BCAS3: variants seen among roughly 807,000 people sequenced by gnomAD.
BCAS3 encodes BCAS4/BCAS3 fusion.
In BCAS3, 53 loss-of-function variants were observed where a neutral mutation model predicts 116.1. The observed-to-expected ratio is 0.46, with a 90% CI of 0.37 to 0.57. BCAS3 has a LOEUF of 0.57. Ranked by LOEUF, BCAS3 falls within the 20% of genes least tolerant of loss-of-function variation. The probability of loss-of-function intolerance (pLI) is 0.00; values close to 1 mark genes in which losing one functional copy is unlikely to be tolerated. For synonymous variants in BCAS3, 391 were observed against 408.2 expected (o/e 0.96, Z 0.51); for missense variants, 917 against 1,165.4 (o/e 0.79, Z 3.10).
chr17:60,911,119 C>A (rs200299246), intron 12 of BCAS3, among the ~76,000 whole-genome samples: 1 of 35,312 alleles, frequency 2.8e-5, no homozygotes, highest in Non-Finnish European at 6.0e-5. Flanking sequence ...TTCTTTTTTT[C>A]TTTCTTTTTT....
intron 5 of BCAS3, among the ~76,000 whole-genome samples, chr17:60,718,986 C>T (rs1408526511): frequency 6.6e-6 from 1 of 152,100 alleles, no homozygotes; most frequent in Non-Finnish European, 1.5e-5. Context: ...GGCGTGATCC[C>T]AGGAAGCGGA....
chr17:60,938,053 A>G (rs892764966), intron 13 of BCAS3, among the ~76,000 whole-genome samples: 3 of 152,034 alleles, frequency 2.0e-5, no homozygotes, highest in Non-Finnish European at 4.4e-5. Flanking sequence ...TGCAGTGGCA[A>G]GATCTCGGCT....
rs557961065 is a variant in BCAS3, at chr17:61,168,344, T to C, written c.2425+83780T>C. ...CCTTGAGCCTTTTCTATTTCTCCCT[T>C]CTCCTATATTTTGTATTTGGCATTG... On this transcript the variant is annotated intron_variant, in intron 22 of 23. Coordinates refer to ENST00000407086, the MANE Select transcript of BCAS3 (RefSeq NM_017679.5). Among the ~76,000 whole-genome samples the C allele has an allele frequency of 7.9e-5, 12 of 152,248 alleles. No individual in the cohort carries two copies. In the East Asian group the frequency reaches 1.9e-3, roughly 24 times the overall value.
intron 14 of BCAS3, among the ~76,000 whole-genome samples, chr17:60,951,378 T>C (rs556900607): frequency 6.6e-6 from 1 of 152,348 alleles, no homozygotes; most frequent in East Asian, 1.9e-4. Flanking sequence ...TTTCATGATA[T>C]AAGTAATACA....
chr17:60,738,186 G>T (rs977783701), intron 5 of BCAS3, among the ~76,000 whole-genome samples: 1 of 152,224 alleles, frequency 6.6e-6, no homozygotes, highest in African/African-American at 2.4e-5. Flanking sequence ...TGCTACTGTT[G>T]TAAGAAGTAG....
At chr17:60,977,899 CATT>C (rs2062523783) in intron 14 of BCAS3, among the ~76,000 whole-genome samples, 4 of 144,114 alleles carry the variant, frequency 2.8e-5, no homozygotes. Context: ...TCCAGTCTAT[CATT>C]GTTGGACATT....
chr17:61,168,157 C>A (rs1270301977), intron 22 of BCAS3, among the ~76,000 whole-genome samples: 1 of 152,090 alleles, frequency 6.6e-6, no homozygotes, highest in Non-Finnish European at 1.5e-5. Flanking sequence ...TTTCTTTTTT[C>A]CCATCTGTCT....
At chr17:61,263,532 G>A (rs1047539732) in intron 22 of BCAS3, among the ~76,000 whole-genome samples, 4 of 152,244 alleles carry the variant, frequency 2.6e-5, no homozygotes, top group African/African-American at 7.2e-5. Context: ...ACAGAACAAG[G>A]TGAAGAGTGG....
intron 22 of BCAS3, among the ~76,000 whole-genome samples, chr17:61,109,184 CAA>C (rs4011679): frequency 0.01 from 575 of 57,422 alleles, 4 homozygotes; most frequent in African/African-American, 0.025. Context: ...GACTTTGTCT[CAA>C]AAAAAAAAAA....
At chr17:61,274,999 C>T (rs888346789) in intron 22 of BCAS3, among the ~76,000 whole-genome samples, 1 of 152,074 alleles carries the variant, frequency 6.6e-6, no homozygotes, top group Non-Finnish European at 1.5e-5. Context: ...CACAGATGAA[C>T]GCCACCATAC....
At chr17:60,710,751 A>C (rs2037809814) in intron 5 of BCAS3, among the ~76,000 whole-genome samples, 1 of 150,798 alleles carries the variant, frequency 6.6e-6, no homozygotes, top group South Asian at 2.1e-4. Context: ...AAGTTAAAAA[A>C]ATGTTTATTT....
rs1430568665 is a variant in BCAS3 at position 61,276,106 on chromosome 17, T to C, written c.2426-92221T>C. On this transcript the variant is annotated intron_variant, in intron 22 of 23. Coordinates refer to ENST00000407086, the MANE Select transcript of BCAS3 (RefSeq NM_017679.5). The surrounding 1 kb of genome is among the most constrained non-coding windows in gnomAD (Gnocchi z 4.2). Reference sequence around the variant, plus strand: ...TGGCTCACGCGTGTAATCTCAGCACTTTGGGAGGCTGAGGTGGGCGGATCA... The same window carrying C: ...TGGCTCACGCGTGTAATCTCAGCACCTTGGGAGGCTGAGGTGGGCGGATCA... Among the ~76,000 whole-genome samples, 2 of 152,086 alleles carry C rather than the reference T, an allele frequency of 1.3e-5. No individual in the cohort carries two copies. The highest frequency in any genetic ancestry group is 4.8e-5 in the African/African-American group (2 of 41,402).
At chr17:61,055,782 T>C (rs1166470829) in intron 19 of BCAS3, among the ~76,000 whole-genome samples, 2 of 152,230 alleles carry the variant, frequency 1.3e-5, no homozygotes, top group African/African-American at 4.8e-5. Context: ...ATGTATTCCT[T>C]ATCTCTTTTC....
At chr17:61,299,442 C>CAAAAAAAAAAAAAAAA (rs538072648) in intron 22 of BCAS3, among the ~76,000 whole-genome samples, 15 of 57,154 alleles carry the variant, frequency 2.6e-4, no homozygotes, top group East Asian at 5.3e-4. Context: ...GACTCCATCT[C>CAAAAAAAAAAAAAAAA]AAAAAAAAAA....
chr17:60,858,654 A>G (rs1196924093), intron 7 of BCAS3, among the ~76,000 whole-genome samples: 3 of 152,106 alleles, frequency 2.0e-5, no homozygotes, highest in Admixed American at 6.5e-5. Flanking sequence ...TAATTTTTTT[A>G]CAAACTGGTA....
In BCAS3 at chr17:61,392,345, G is replaced by C; in HGVS notation, c.*220G>C. On this transcript the variant is annotated 3_prime_UTR_variant, in exon 24 of 24. Transcript: ENST00000407086. This position sits in a 1 kb window ranked among gnomAD's most constrained non-coding sequence, Gnocchi z 6.4. ...GCCACACCTGTCGGTGGAGGCTGTGGCCAGGAGAGACTGTAGAAGCTCGGT... is the reference window on the plus strand; with the variant it reads ...GCCACACCTGTCGGTGGAGGCTGTGCCCAGGAGAGACTGTAGAAGCTCGGT... 1.9e-6 allele frequency: 1 copy of C among 535,746 alleles called. No homozygotes were observed. Among genetic ancestry groups the C allele is most frequent in the Non-Finnish European group, 3.3e-6 (1 of 306,732 alleles). The allele number at this position is 535,746 out of a possible 1,614,324, so 33.2% of individuals were successfully genotyped here.
chr17:60,983,909 G>A (rs371181488), intron 14 of BCAS3, among the ~76,000 whole-genome samples: 1 of 151,936 alleles, frequency 6.6e-6, no homozygotes, highest in Non-Finnish European at 1.5e-5. Flanking sequence ...ACCTTTGTTC[G>A]TCCTGCTTTT....
chr17:61,013,141 C>G lies in BCAS3; in HGVS notation c.1487-2610C>G, dbSNP rs1237174059. On this transcript the variant is annotated intron_variant, in intron 15 of 23. Coordinates refer to ENST00000407086, the MANE Select transcript of BCAS3 (RefSeq NM_017679.5). The surrounding 1 kb of genome is among the most constrained non-coding windows in gnomAD (Gnocchi z 4.4). The stretch of plus-strand genomic sequence containing the variant: ...TATCCCATTTGCCCTTTTCCTTGAG[C>G]CCTTTTCCATATAAAGTTGTTCCCA... 1.3e-5 allele frequency among the ~76,000 whole-genome samples: 2 copies of G among 151,964 alleles called. No homozygotes were observed. The highest frequency in any genetic ancestry group is 6.6e-5 in the Admixed American group (1 of 15,238).
chr17:60,972,137 T>TTCGATGATATCCTCTGGCACAAGC (rs1256901361), intron 14 of BCAS3, among the ~76,000 whole-genome samples: 2 of 152,222 alleles, frequency 1.3e-5, no homozygotes, highest in African/African-American at 4.8e-5. Flanking sequence ...GGTGTACATG[T>TTCGATGATATCCTCTGGCACAAGC]TCGATGATAT....
Sources: gnomAD v4.1 joint callset for allele counts (sites outside exome capture counted in the v4.1 genomes callset) on GRCh38, gnomAD v4.1.1 for gene constraint, Gnocchi (gnomAD v3.1) non-coding constraint, MANE v1.5 for transcripts, NCBI Gene and HGNC (gene_info 2026-07-23, HGNC 2026-07-21) for gene names.